Variants in FHIT observed in about 807,000 individuals in gnomAD.
FHIT encodes the protein bis(5'-adenosyl)-triphosphatase.
Under a neutral mutation model 17.9 loss-of-function variants are expected in FHIT, and 19 were observed. The ratio of observed to expected loss-of-function variants is 1.06; its 90% CI spans 0.74 to 1.56. FHIT has a LOEUF of 1.56. Ranked by LOEUF, FHIT falls within the 40% of genes most tolerant of loss-of-function variation. The pLI, the probability that FHIT is intolerant of heterozygous loss-of-function variation, is 0.00. For synonymous variants in FHIT, 81 were observed against 69.7 expected (o/e 1.16, Z -0.81); for missense variants, 248 against 189.2 (o/e 1.31, Z -1.82).
At chr3:60,136,688 G>A (rs114807731) in intron 5 of FHIT, among the ~76,000 whole-genome samples, 2,009 of 152,154 alleles carry the variant, frequency 0.013, 20 homozygotes, top group Non-Finnish European at 0.02. Flanking sequence ...TCTATTACCC[G>A]CAGATGTAAC....
At chr3:60,433,773 A>AT (rs942305088) in intron 5 of FHIT, among the ~76,000 whole-genome samples, 7 of 151,978 alleles carry the variant, frequency 4.6e-5, no homozygotes, top group African/African-American at 1.5e-4. Context: ...AGTTGAGTGG[A>AT]TTTTTTTGGC....
At chr3:59,856,808 G>T (rs1217943306) in intron 8 of FHIT, among the ~76,000 whole-genome samples, 1 of 151,774 alleles carries the variant, frequency 6.6e-6, no homozygotes, top group African/African-American at 2.4e-5. Context: ...GAGTCTGGAA[G>T]TAACAGTAAG....
intron 8 of FHIT, among the ~76,000 whole-genome samples, chr3:59,850,349 G>A (rs1171545770): frequency 6.6e-6 from 1 of 152,154 alleles, no homozygotes; most frequent in East Asian, 1.9e-4. Context: ...AGCTGCATAA[G>A]TACTATGTTG....
chr3:60,688,154 A>G (rs1258595087), intron 4 of FHIT, among the ~76,000 whole-genome samples: 1 of 152,280 alleles, frequency 6.6e-6, no homozygotes, highest in African/African-American at 2.4e-5. Flanking sequence ...ACATTTCACA[A>G]TGAGATTCAG....
chr3:60,991,793 T>C (rs920312549), intron 3 of FHIT, among the ~76,000 whole-genome samples: 6 of 49,484 alleles, frequency 1.2e-4, no homozygotes, highest in Non-Finnish European at 4.7e-4. Flanking sequence ...ATAATAGCTG[T>C]TGTTGTTATT....
At chr3:60,549,765 C>T (rs912860267) in intron 4 of FHIT, among the ~76,000 whole-genome samples, 1 of 152,158 alleles carries the variant, frequency 6.6e-6, no homozygotes, top group Admixed American at 6.5e-5. Flanking sequence ...ACCAGGAAGT[C>T]AGACACAATG....
intron 5 of FHIT, among the ~76,000 whole-genome samples, chr3:60,182,973 T>C (rs527563747): frequency 1.3e-5 from 2 of 151,648 alleles, no homozygotes; most frequent in Admixed American, 1.3e-4. Context: ...TTAAAAGATA[T>C]TCTGTCCATG....
chr3:60,589,596 A>G (rs2038016413), intron 4 of FHIT, among the ~76,000 whole-genome samples: 1 of 152,092 alleles, frequency 6.6e-6, no homozygotes, highest in Admixed American at 6.6e-5. Context: ...GGCTTTGTCC[A>G]CGTCGGGGGA....
chr3:60,715,423 T>C (rs1325014936), intron 4 of FHIT, among the ~76,000 whole-genome samples: 1 of 151,982 alleles, frequency 6.6e-6, no homozygotes, highest in Non-Finnish European at 1.5e-5. Context: ...ATATACACCA[T>C]GGAATACCAT....
chr3:61,138,441 A>G (rs2036979870), intron 2 of FHIT, among the ~76,000 whole-genome samples: 1 of 152,218 alleles, frequency 6.6e-6, no homozygotes, highest in Non-Finnish European at 1.5e-5. Context: ...GGGCCTGCCT[A>G]GGATTACAGC....
intron 5 of FHIT, among the ~76,000 whole-genome samples, chr3:60,345,989 G>A (rs1227177061): frequency 6.6e-6 from 1 of 152,112 alleles, no homozygotes; most frequent in Non-Finnish European, 1.5e-5. Context: ...CACCTTTGTT[G>A]CTCTGCAAAG....
At chr3:60,233,690 G>A (rs1704617225) in intron 5 of FHIT, among the ~76,000 whole-genome samples, 1 of 152,082 alleles carries the variant, frequency 6.6e-6, no homozygotes, top group Non-Finnish European at 1.5e-5. Context: ...ATCTTGAATT[G>A]TAGCTCCCAT....
intron 3 of FHIT, among the ~76,000 whole-genome samples, chr3:61,001,758 TATG>T (rs1021574546): frequency 4.8e-4 from 73 of 152,274 alleles, no homozygotes; most frequent in African/African-American, 1.7e-3. Context: ...AAGCTACACT[TATG>T]ATAAAATTGC....
intron 4 of FHIT, among the ~76,000 whole-genome samples, chr3:60,684,591 T>C (rs1031409432): frequency 1.3e-5 from 2 of 152,098 alleles, no homozygotes; most frequent in Admixed American, 6.5e-5. Flanking sequence ...GTGAGGTTAA[T>C]ACTCTGTTCT....
intron 5 of FHIT, among the ~76,000 whole-genome samples, chr3:60,504,738 A>G (rs1221684184): frequency 6.6e-6 from 1 of 152,226 alleles, no homozygotes; most frequent in Non-Finnish European, 1.5e-5. Flanking sequence ...TTTAATTGTG[A>G]GAAGGATAAA....
chr3:59,902,361 C>T (rs943493187), intron 8 of FHIT, among the ~76,000 whole-genome samples: 1 of 151,704 alleles, frequency 6.6e-6, no homozygotes, highest in Admixed American at 6.6e-5. Flanking sequence ...TAAACTTGTA[C>T]AGCCATTATG....
Position 59,815,622 on chromosome 3 carries a change from G to A in FHIT, c.349-63301C>T, listed in dbSNP as rs139318848. Among the ~76,000 whole-genome samples the A allele has an allele frequency of 5.8e-3, 886 of 152,242 alleles. 8 individuals carry two copies. Among genetic ancestry groups the A allele is most frequent in the African/African-American group, 0.02 (835 of 41,524 alleles). Reference sequence around the variant, plus strand: ...GAGATTGGAGACTATTGTTCTAAGTGAAGTAACTCAGGAATGAAAAACCGA... The same window carrying A: ...GAGATTGGAGACTATTGTTCTAAGTAAAGTAACTCAGGAATGAAAAACCGA... On this transcript the variant is annotated intron_variant, in intron 8 of 9. Coordinates refer to ENST00000492590, the MANE Select transcript of FHIT (RefSeq NM_002012.4).
intron 5 of FHIT, among the ~76,000 whole-genome samples, chr3:60,248,151 C>T (rs945881675): frequency 1.3e-5 from 2 of 152,082 alleles, no homozygotes; most frequent in Non-Finnish European, 1.5e-5. Context: ...AGCTGTAAAA[C>T]GTCCTCAAAG....
At chr3:60,532,700 C>T (rs1292892011) in intron 5 of FHIT, among the ~76,000 whole-genome samples, 5 of 152,236 alleles carry the variant, frequency 3.3e-5, no homozygotes, top group Non-Finnish European at 7.3e-5. Flanking sequence ...GAAGCGTTTG[C>T]TTCAGGTGGG....
Sources: gnomAD v4.1 joint callset for allele counts (sites outside exome capture counted in the v4.1 genomes callset) on GRCh38, gnomAD v4.1.1 for gene constraint, MANE v1.5 for transcripts, NCBI Gene and HGNC (gene_info 2026-07-23, HGNC 2026-07-21) for gene names.